The following SAMD12 variants were observed in gnomAD, a reference collection of about 807,000 sequenced individuals.
SAMD12 encodes sterile alpha motif domain-containing protein 12.
SAMD12 carries 9 observed loss-of-function variants against 15.0 expected under a neutral mutation model. That is an observed-to-expected ratio of 0.60 (90% CI 0.36 to 1.05). The LOEUF (loss-of-function observed/expected upper bound fraction) is 1.05. Among genes scored for constraint, SAMD12 ranks in the 50% least tolerant of loss-of-function variants. The pLI, the probability that SAMD12 is intolerant of heterozygous loss-of-function variation, is 0.01. For synonymous variants in SAMD12, 86 were observed against 90.1 expected (o/e 0.96, Z 0.25); for missense variants, 230 against 234.2 (o/e 0.98, Z 0.12).
intron 4 of SAMD12, among the ~76,000 whole-genome samples, chr8:118,364,480 C>T (rs947093746): frequency 6.6e-6 from 1 of 152,088 alleles, no homozygotes; most frequent in African/African-American, 2.4e-5. Flanking sequence ...TTATGACAAG[C>T]GAACTCCTTA....
In SAMD12 at chr8:118,551,190, C is replaced by A. The variant is rs1826321713; in HGVS notation, c.192+29525G>T. Among the ~76,000 whole-genome samples, 4 of 152,202 alleles carry A rather than the reference C, an allele frequency of 2.6e-5. No individual in the cohort carries two copies. The South Asian group carries it at 6.2e-4, about 24-fold the overall frequency. On this transcript the variant is annotated intron_variant, in intron 2 of 3. Coordinates refer to ENST00000314727, the MANE Select transcript of SAMD12 (RefSeq NM_207506.3). The stretch of plus-strand genomic sequence containing the variant: ...ACCAAGCAGACCTAATAGACATCTA[C>A]AGAACTCTCCACCCCAAATCAAGAG...
chr8:118,277,467 A>G (rs1813501870), intron 4 of SAMD12, among the ~76,000 whole-genome samples: 1 of 152,182 alleles, frequency 6.6e-6, no homozygotes, highest in Non-Finnish European at 1.5e-5. Context: ...TGCCAGAAAC[A>G]GAAGACTATA....
downstream of SAMD12, among the ~76,000 whole-genome samples, chr8:118,186,585 C>A (rs1315810436): frequency 6.7e-6 from 1 of 149,634 alleles, no homozygotes; most frequent in African/African-American, 2.5e-5. Flanking sequence ...ATCAATTTCA[C>A]AGCCCTGGGG....
At chr8:118,585,154 T>A (rs962591217) in intron 1 of SAMD12, among the ~76,000 whole-genome samples, 1 of 152,214 alleles carries the variant, frequency 6.6e-6, no homozygotes, top group Non-Finnish European at 1.5e-5. Context: ...ACAACATGCA[T>A]GAACCTTGAA....
At chr8:118,404,719 C>T (rs1821041742) in intron 3 of SAMD12, among the ~76,000 whole-genome samples, 1 of 152,204 alleles carries the variant, frequency 6.6e-6, no homozygotes, top group Non-Finnish European at 1.5e-5. Flanking sequence ...GTAGCTTTAA[C>T]AAGCACCATA....
intron 4 of SAMD12, among the ~76,000 whole-genome samples, chr8:118,242,653 T>TC (rs1199998328): frequency 6.6e-6 from 1 of 151,934 alleles, no homozygotes; most frequent in Non-Finnish European, 1.5e-5. Context: ...GGAACATATC[T>TC]CCCACAGACA....
chr8:118,303,088 T>C (rs1197375160), intron 4 of SAMD12, among the ~76,000 whole-genome samples: 1 of 152,206 alleles, frequency 6.6e-6, no homozygotes, highest in Non-Finnish European at 1.5e-5. Flanking sequence ...CTCACTGCCG[T>C]CACATTAAAA....
intron 4 of SAMD12, among the ~76,000 whole-genome samples, chr8:118,356,267 C>A (rs1290241439): frequency 6.6e-6 from 1 of 152,152 alleles, no homozygotes; most frequent in East Asian, 1.9e-4. Context: ...AACTTAGACT[C>A]TTCGACTCCC....
chr8:118,134,497 G>A, the SAMD12 span, among the ~76,000 whole-genome samples: 4 of 152,120 alleles, frequency 2.6e-5, no homozygotes, highest in Non-Finnish European at 2.9e-5. Flanking sequence ...TCAATGTGTC[G>A]TTCCTAGACC....
chr8:118,436,585 C>T (rs1180706844), intron 3 of SAMD12, among the ~76,000 whole-genome samples: 1 of 152,070 alleles, frequency 6.6e-6, no homozygotes, highest in Non-Finnish European at 1.5e-5. Context: ...AGAGGAGATC[C>T]TTGCTTTAAG....
chr8:118,190,045 A>T (rs990969792), exon 5 of SAMD12: 2 of 152,078 alleles, frequency 1.3e-5, no homozygotes, highest in Admixed American at 6.6e-5. Context: ...GAAGACCAAC[A>T]GAATTAAGAC....
chr8:118,147,937 T>C, the SAMD12 span, among the ~76,000 whole-genome samples: 1 of 151,352 alleles, frequency 6.6e-6, no homozygotes, highest in South Asian at 2.1e-4. Flanking sequence ...TTGGTAGAGA[T>C]AGAGCCTTTT....
At chr8:118,367,365 T>C (rs148672139) in intron 4 of SAMD12, among the ~76,000 whole-genome samples, 11 of 152,308 alleles carry the variant, frequency 7.2e-5, no homozygotes, top group South Asian at 2.1e-4. Context: ...AAAAATCCCA[T>C]AGGACATTTG....
chr8:118,515,321 C>G (rs1825212225), intron 2 of SAMD12, among the ~76,000 whole-genome samples: 1 of 151,512 alleles, frequency 6.6e-6, no homozygotes, highest in African/African-American at 2.4e-5. Context: ...GCACCTCCTC[C>G]TTCTCTTTCT....
At chr8:118,530,181 T>C (rs1277849806) in intron 2 of SAMD12, among the ~76,000 whole-genome samples, 1 of 152,198 alleles carries the variant, frequency 6.6e-6, no homozygotes, top group African/African-American at 2.4e-5. Flanking sequence ...TTTTGAGAAG[T>C]GTCTGTTCAT....
At chr8:118,508,789 G>A (rs1824994636) in intron 2 of SAMD12, among the ~76,000 whole-genome samples, 1 of 152,212 alleles carries the variant, frequency 6.6e-6, no homozygotes. Context: ...GAGTATGACA[G>A]AGGTGGAGAT....
chr8:118,425,519 G>A (rs945803181), intron 3 of SAMD12, among the ~76,000 whole-genome samples: 2 of 152,080 alleles, frequency 1.3e-5, no homozygotes, highest in African/African-American at 4.8e-5. Context: ...CTCCTACCCT[G>A]TCTAAGAAAG....
intron 3 of SAMD12, among the ~76,000 whole-genome samples, chr8:118,387,729 ACTC>A (rs1024143316): frequency 6.6e-6 from 1 of 151,900 alleles, no homozygotes; most frequent in African/African-American, 2.4e-5. Context: ...AAACCTATAT[ACTC>A]CTCAAGGCCA....
chr8:118,228,929 C>T (rs889709054), intron 4 of SAMD12, among the ~76,000 whole-genome samples: 1 of 152,110 alleles, frequency 6.6e-6, no homozygotes, highest in African/African-American at 2.4e-5. Flanking sequence ...AACTGTGGTA[C>T]ATATGTACGG....
Sources: allele counts gnomAD v4.1 joint callset (sites outside exome capture counted in the v4.1 genomes callset), GRCh38; gene constraint gnomAD v4.1.1; transcripts MANE v1.5; gene names NCBI Gene and HGNC (gene_info 2026-07-23, HGNC 2026-07-21).